Variants in ATP2C2 observed in about 807,000 individuals in gnomAD.
ATP2C2 encodes calcium-transporting ATPase type 2C member 2.
ATP2C2 carries 171 observed loss-of-function variants against 110.8 expected under a neutral mutation model. The observed-to-expected ratio is 1.54, with a 90% confidence interval of 1.36 to 1.75. The LOEUF is 1.75. ATP2C2 is among the 40% of genes most tolerant of loss of function. The pLI, the probability that ATP2C2 is intolerant of heterozygous loss-of-function variation, is 0.00. For missense variants in ATP2C2, 1,963 were observed against 1,235.0 expected, an observed-to-expected ratio of 1.59 and a Z score of -8.84; for synonymous variants, 804 against 508.4, an observed-to-expected ratio of 1.58 and a Z score of -7.82.
At chr16:84,425,667 T>C in intron 10 of ATP2C2, 68 bp from the exon 11 acceptor site, 1 of 1,549,076 alleles carries the variant, frequency 6.5e-7, no homozygotes, top group Non-Finnish European at 8.9e-7. Flanking sequence ...GGAAGTGAGT[T>C]TGAATCCCTC....
At chr16:84,402,933 A>G (rs1905432420) in intron 2 of ATP2C2, among the ~76,000 whole-genome samples, 1 of 152,146 alleles carries the variant, frequency 6.6e-6, no homozygotes, top group African/African-American at 2.4e-5. Context: ...TAACCGGAAG[A>G]CTTTTTATTA....
chr16:84,453,378 T>TGGGCAAGGC lies in ATP2C2; in HGVS notation c.1980+8_1980+16dup. The TGGGCAAGGC allele has an allele frequency of 6.2e-7, 1 of 1,614,106 alleles. No individual in the cohort carries two copies. The highest frequency in any genetic ancestry group is 8.5e-7 in the Non-Finnish European group (1 of 1,180,002). On this transcript the variant is annotated splice_region_variant and intron_variant, in intron 20 of 26. Transcript: ENST00000262429. ...CAAGCTCAAAATCATCAAGGTTCGC[T>TGGGCAAGGC]GGGCAAGGCAGGCACAGGCTGCGCT...
At chr16:84,462,191 C>T in intron 26 of ATP2C2, 62 bp downstream of exon 26, 1 of 1,569,766 alleles carries the variant, frequency 6.4e-7, no homozygotes, top group Non-Finnish European at 8.7e-7. Flanking sequence ...GCGGCAGCTG[C>T]CAGGTGGGGA....
chr16:84,456,780 T>TA (rs562500804), intron 21 of ATP2C2, among the ~76,000 whole-genome samples: 11 of 1,588 alleles, frequency 6.9e-3, no homozygotes, highest in African/African-American at 0.032. Flanking sequence ...GAATCCAACT[T>TA]ACAAGGGATG....
Position 84,453,311 on chromosome 16 carries a change from C to T in ATP2C2, c.1930-10C>T, listed in dbSNP as rs768800581. On this transcript the variant is annotated splice_polypyrimidine_tract_variant and intron_variant, in intron 19 of 26. Transcript: ENST00000262429. ...ATCTGATTCTTCGTCTTCCCCGTCT[C>T]CGTGTCCAGGTGTCCGTGTTCTTCA... The T allele has an allele frequency of 1.9e-6, 3 of 1,614,156 alleles. No individual in the cohort carries two copies. The highest frequency in any genetic ancestry group is 1.7e-4 in the Middle Eastern group (1 of 6,060).
intron 21 of ATP2C2, among the ~76,000 whole-genome samples, chr16:84,458,643 G>T (rs1910928144): frequency 6.6e-6 from 1 of 152,224 alleles, no homozygotes; most frequent in East Asian, 1.9e-4. Context: ...GTTTAAAAGG[G>T]CTTCCGCGAA....
chr16:84,428,328 C>T (rs1907967853), intron 11 of ATP2C2, among the ~76,000 whole-genome samples: 1 of 152,174 alleles, frequency 6.6e-6, no homozygotes. Context: ...GAAGAGATTC[C>T]AAATGCCTTA....
chr16:84,406,486 T>A, intron 3 of ATP2C2: 1 of 668,814 alleles, frequency 1.5e-6, no homozygotes, highest in Non-Finnish European at 1.8e-6. Context: ...TGGCTCTGTG[T>A]TTACAGCTTC....
At chr16:84,461,235 C>G (rs1008008861) in intron 24 of ATP2C2, 2 of 260,002 alleles carry the variant, frequency 7.7e-6, no homozygotes, top group East Asian at 2.0e-4. Flanking sequence ...CAGGACGGGC[C>G]ACGATCTAGG....
At chr16:84,460,209 G>A (rs997046550) in intron 23 of ATP2C2, 18 of 213,684 alleles carry the variant, frequency 8.4e-5, no homozygotes, top group Non-Finnish European at 1.5e-4. Context: ...GGCCTCACCC[G>A]GCCACTCCCA....
At chr16:84,461,684 T>C (rs779376996) in intron 24 of ATP2C2, 30 bp from the exon 25 acceptor site, 1 of 1,596,490 alleles carries the variant, frequency 6.3e-7, no homozygotes, top group East Asian at 2.2e-5. Flanking sequence ...TCTTCCCGCC[T>C]AACCTCTCAC....
At chr16:84,438,320 ACACCAGG>A (rs1342540081) in intron 11 of ATP2C2, among the ~76,000 whole-genome samples, 1 of 152,178 alleles carries the variant, frequency 6.6e-6, no homozygotes, top group Non-Finnish European at 1.5e-5. Flanking sequence ...GTCAAACTGG[ACACCAGG>A]CACCAGGCAT....
Position 84,460,650 on chromosome 16 carries a change from G to A in ATP2C2, c.2334-4G>A, listed in dbSNP as rs780539547. On this transcript the variant is annotated splice_polypyrimidine_tract_variant and splice_region_variant and intron_variant, in intron 23 of 26. Transcript: ENST00000262429. Reference sequence around the variant, plus strand: ...TCAAAGTGTCTGTGTCTTGTTCGGAGCAGCTTGGGGGTAGAGCCCGTTGAC... The same window carrying A: ...TCAAAGTGTCTGTGTCTTGTTCGGAACAGCTTGGGGGTAGAGCCCGTTGAC... 4 of 1,614,186 alleles carry A rather than the reference G, an allele frequency of 2.5e-6. No individual in the cohort carries two copies. Among genetic ancestry groups the A allele is most frequent in the Admixed American group, 1.7e-5 (1 of 60,030 alleles).
intron 11 of ATP2C2, among the ~76,000 whole-genome samples, chr16:84,426,738 C>G (rs1907845982): frequency 6.6e-6 from 1 of 152,176 alleles, no homozygotes; most frequent in Non-Finnish European, 1.5e-5. Context: ...TATCCAAGCC[C>G]TTGTCTTACA....
At chr16:84,454,318 A>G (rs1910590166) in intron 20 of ATP2C2, among the ~76,000 whole-genome samples, 1 of 152,124 alleles carries the variant, frequency 6.6e-6, no homozygotes, top group Non-Finnish European at 1.5e-5. Context: ...AAAGGTAGAA[A>G]ATGTGCTTGG....
chr16:84,428,228 T>C (rs1263619144), intron 11 of ATP2C2, among the ~76,000 whole-genome samples: 3 of 152,236 alleles, frequency 2.0e-5, no homozygotes, highest in Non-Finnish European at 2.9e-5. Context: ...TGGTATCAGG[T>C]ACCTAGTATC....
chr16:84,459,933 C>G, intron 23 of ATP2C2: 1 of 274,468 alleles, frequency 3.6e-6, no homozygotes, highest in South Asian at 4.6e-5. Context: ...ATATCCCCTT[C>G]AACAAGCTGG....
At chr16:84,404,084 G>T (rs1014392684) in intron 2 of ATP2C2, among the ~76,000 whole-genome samples, 1 of 152,220 alleles carries the variant, frequency 6.6e-6, no homozygotes, top group African/African-American at 2.4e-5. Context: ...ATGCTGCTAT[G>T]AACATGGTTG....
rs572839438 is a variant in ATP2C2, at chr16:84,421,552, T to C, written c.625-838T>C. Among the ~76,000 whole-genome samples the C allele has an allele frequency of 1.4e-3, 214 of 152,254 alleles. 1 individual carries two copies. The highest frequency in any genetic ancestry group is 4.8e-3 in the African/African-American group (201 of 41,558). On this transcript the variant is annotated intron_variant, in intron 7 of 26. Transcript: ENST00000262429. Reference sequence around the variant, plus strand: ...GCTTACATGACCAGGTCCCTAGGGATAGGCCCACCCAGCCCCGCTTTATGA... The same window carrying C: ...GCTTACATGACCAGGTCCCTAGGGACAGGCCCACCCAGCCCCGCTTTATGA...
Sources: allele counts gnomAD v4.1 joint callset (sites outside exome capture counted in the v4.1 genomes callset), GRCh38; gene constraint gnomAD v4.1.1; transcripts MANE v1.5; gene names NCBI Gene and HGNC (gene_info 2026-07-23, HGNC 2026-07-21).